The following RB1 variants were observed in gnomAD, a reference collection of about 807,000 sequenced individuals.
RB1 encodes the protein retinoblastoma-associated protein.
A neutral mutation model predicts 135.4 loss-of-function variants in RB1; 18 were observed. The observed-to-expected ratio is 0.13, with a 90% confidence interval of 0.09 to 0.20. The LOEUF (loss-of-function observed/expected upper bound fraction) is 0.20. RB1 is among the 10% of genes least tolerant of loss of function. The pLI, the probability that RB1 is intolerant of heterozygous loss-of-function variation, is 1.00. For missense variants in RB1, 868 were observed against 1,110.0 expected, an observed-to-expected ratio of 0.78 and a Z score of 3.10; for synonymous variants, 365 against 373.2, an observed-to-expected ratio of 0.98 and a Z score of 0.25.
chr13:48,355,204 C>A (rs9568033), intron 6 of RB1, among the ~76,000 whole-genome samples: 31,872 of 151,744 alleles, frequency 0.21, 3,485 homozygotes, highest in South Asian at 0.26. Flanking sequence ...TATAAGGAAC[C>A]CAAACAACTC....
In RB1 at chr13:48,342,648, T is replaced by C; in HGVS notation, c.314T>C (p.Ile105Thr). The change falls in exon 3 of 27, where the codon ATT becomes ACT. Residue 105 changes from isoleucine to threonine, a missense_variant. Physicochemically the swap from Ile to Thr is moderately conservative, Grantham distance 89. This residue lies in a region of RB1 where 641 missense variants were observed against 791.3 expected (regional missense o/e 0.81). Transcript: ENST00000267163. Reference protein sequence around the residue: ...KKELWGICIFIAAVDLDEMSF... With the variant: ...KKELWGICIFTAAVDLDEMSF... ...GAACTGTGGGGAATCTGTATCTTTA[T>C]TGCAGCAGTTGACCTAGATGAGATG... 6.2e-7 allele frequency: 1 copy of C among 1,612,856 alleles called. No homozygotes were observed. Among genetic ancestry groups the C allele is most frequent in the Non-Finnish European group, 8.5e-7 (1 of 1,179,060 alleles).
intron 2 of RB1, among the ~76,000 whole-genome samples, chr13:48,308,499 A>G (rs886986606): frequency 6.6e-6 from 1 of 151,940 alleles, no homozygotes. Context: ...CTAAAAATAC[A>G]AAAATTAGCC....
At chr13:48,364,375 G>A (rs1394083477) in intron 8 of RB1, among the ~76,000 whole-genome samples, 4 of 151,978 alleles carry the variant, frequency 2.6e-5, no homozygotes, top group South Asian at 2.1e-4. Flanking sequence ...TGTTTCAGGC[G>A]GACGATTTTT....
At chr13:48,369,706 T>C (rs1952738478) in intron 11 of RB1, among the ~76,000 whole-genome samples, 1 of 152,228 alleles carries the variant, frequency 6.6e-6, no homozygotes, top group Non-Finnish European at 1.5e-5. Context: ...TTCCCTCTTC[T>C]TGAAATTTCC....
chr13:48,305,189 C>G (rs1952070763), intron 1 of RB1, among the ~76,000 whole-genome samples: 1 of 152,160 alleles, frequency 6.6e-6, no homozygotes, highest in Non-Finnish European at 1.5e-5. Flanking sequence ...TTGTCTATCA[C>G]CAAATCCTTT....
At chr13:48,323,145 G>A (rs1172634728) in intron 2 of RB1, among the ~76,000 whole-genome samples, 3 of 151,660 alleles carry the variant, frequency 2.0e-5, no homozygotes, top group Non-Finnish European at 4.4e-5. Context: ...ATGCCATCTG[G>A]GCCTGGACTT....
intron 17 of RB1, among the ~76,000 whole-genome samples, chr13:48,423,705 AGAGAGTATGT>A (rs1347308567): frequency 1.2e-4 from 18 of 152,238 alleles, no homozygotes; most frequent in Non-Finnish European, 2.1e-4. Flanking sequence ...AAATCAAATG[AGAGAGTATGT>A]GAGACTTAAA....
chr13:48,403,544 A>G (rs1948712584), intron 17 of RB1, among the ~76,000 whole-genome samples: 1 of 152,186 alleles, frequency 6.6e-6, no homozygotes, highest in Admixed American at 6.5e-5. Flanking sequence ...GGAGTCTTAG[A>G]GAGCCCCCAA....
chr13:48,374,876 T>G (rs1952803640), intron 12 of RB1, among the ~76,000 whole-genome samples: 1 of 152,106 alleles, frequency 6.6e-6, no homozygotes, highest in African/African-American at 2.4e-5. Flanking sequence ...CCCTCCTCCC[T>G]CTAGTAGTCT....
intron 2 of RB1, among the ~76,000 whole-genome samples, chr13:48,324,865 TTTG>T (rs1419976643): frequency 6.6e-6 from 1 of 151,934 alleles, no homozygotes; most frequent in East Asian, 1.9e-4. Context: ...TTTGTTTGTT[TTTG>T]TTTTTGTTTT....
In RB1 at chr13:48,417,099, GTGGGTC is replaced by G. The variant is rs1464402604; in HGVS notation, c.1695+35658_1695+35663del. ...GCTAAGGGACAGACTGCCTCCTCAA[GTGGGTC>G]TCTGACCCCCATGTCTCCTGACTGG... is the stretch of plus-strand genomic sequence containing the variant. On this transcript the variant is annotated intron_variant, in intron 17 of 26. Coordinates refer to ENST00000267163, the MANE Select transcript of RB1 (RefSeq NM_000321.3). 5 of 152,494 alleles carry G rather than the reference GTGGGTC, an allele frequency of 3.3e-5. No individual in the cohort carries two copies. In the South Asian group the frequency reaches 8.3e-4, roughly 25 times the overall value. 9.4% of individuals were successfully genotyped at this position (152,494 alleles called of 1,614,324 possible).
At chr13:48,304,129 C>G (rs1007315913) in intron 1 of RB1, 80 bp downstream of exon 1, 1 of 1,309,232 alleles carries the variant, frequency 7.6e-7, no homozygotes, top group South Asian at 2.1e-5. Context: ...GGCGGCTCGG[C>G]GGGGATCCGT....
chr13:48,327,653 C>T (rs1438634215), intron 2 of RB1, among the ~76,000 whole-genome samples: 1 of 152,156 alleles, frequency 6.6e-6, no homozygotes, highest in Non-Finnish European at 1.5e-5. Flanking sequence ...CAATACAATA[C>T]TCCCTCTCTC....
intron 2 of RB1, among the ~76,000 whole-genome samples, chr13:48,341,852 T>A (rs1952445496): frequency 6.6e-6 from 1 of 152,048 alleles, no homozygotes; most frequent in African/African-American, 2.4e-5. Context: ...TCCAACTATT[T>A]AATGAACATT....
Position 48,408,243 on chromosome 13 carries a change from T to A in RB1, c.1695+26800T>A, listed in dbSNP as rs150720423. On this transcript the variant is annotated intron_variant, in intron 17 of 26. Coordinates refer to ENST00000267163, the MANE Select transcript of RB1 (RefSeq NM_000321.3). ...TAGCTCCTTAAGTAGTGTCTTCAGTTTAATTTTCTGTGAATATAATATATA... is the reference window on the plus strand; with the variant it reads ...TAGCTCCTTAAGTAGTGTCTTCAGTATAATTTTCTGTGAATATAATATATA... Among the ~76,000 whole-genome samples the A allele has an allele frequency of 2.6e-3, 396 of 152,010 alleles. 1 individual carries two copies. The highest frequency in any genetic ancestry group is 9.1e-3 in the African/African-American group (377 of 41,512).
At chr13:48,464,926 A>G in intron 21 of RB1, 72 bp from the exon 22 acceptor site, 1 of 1,461,356 alleles carries the variant, frequency 6.8e-7, no homozygotes, top group South Asian at 1.4e-5. Flanking sequence ...TAAAGGTAGA[A>G]ATTTTAAAAT....
At chr13:48,328,093 C>G in intron 2 of RB1, 1 of 876,834 alleles carries the variant, frequency 1.1e-6, no homozygotes, top group Non-Finnish European at 2.0e-6. Context: ...TTGTCTTGGT[C>G]ATAGACATTT....
chr13:48,465,512 T>C (rs1359580667), intron 23 of RB1, 144 bp downstream of exon 23: 1 of 959,378 alleles, frequency 1.0e-6, no homozygotes, highest in Non-Finnish European at 1.6e-6. Flanking sequence ...ATAATAAGAA[T>C]ATGGGGGCGG....
At chr13:48,452,896 T>TAGTG (rs1403608843) in intron 17 of RB1, 97 bp from the exon 18 acceptor site, 1 of 1,538,588 alleles carries the variant, frequency 6.5e-7, no homozygotes, top group African/African-American at 1.4e-5. Flanking sequence ...GTGCCTAAAA[T>TAGTG]TCATAGTACT....
Sources: allele counts gnomAD v4.1 joint callset (sites outside exome capture counted in the v4.1 genomes callset), GRCh38; gene constraint gnomAD v4.1.1; regional missense constraint gnomAD v4.1.1; transcripts MANE v1.5; gene names NCBI Gene and HGNC (gene_info 2026-07-23, HGNC 2026-07-21).